The following NUP153 variants were observed in gnomAD, a reference collection of about 807,000 sequenced individuals.
The protein encoded by NUP153 is nucleoporin 153.
In NUP153, 27 loss-of-function variants were observed where a neutral mutation model predicts 134.6. The observed-to-expected ratio is 0.20, with a 90% CI of 0.15 to 0.28. The LOEUF (loss-of-function observed/expected upper bound fraction) is 0.28. Among genes scored for constraint, NUP153 ranks in the 10% least tolerant of loss-of-function variants. The pLI is 1.00. For missense variants in NUP153, 1,821 were observed against 1,731.3 expected (o/e 1.05, Z -0.92); for synonymous variants, 640 against 623.5 (o/e 1.03, Z -0.40).
Position 17,706,160 on chromosome 6 carries a change from G to C in NUP153, c.111+117C>G. On this transcript the variant is annotated intron_variant, in intron 1 of 21. Coordinates refer to ENST00000262077, the MANE Select transcript of NUP153 (RefSeq NM_005124.4). This position sits in a 1 kb window ranked among gnomAD's most constrained non-coding sequence, Gnocchi z 5.9. ...CTGAGCTCCCCCGGAGCCTCACTCG[G>C]GCCTTTCCTCAGGCCCTCCTGTCTG... 2.5e-6 allele frequency: 2 copies of C among 808,872 alleles called. No homozygotes were observed. The highest frequency in any genetic ancestry group is 4.1e-6 in the Non-Finnish European group (2 of 492,634). 50.1% of individuals were successfully genotyped at this position (808,872 alleles called of 1,614,324 possible).
In NUP153 at chr6:17,637,167, A is replaced by T. The variant is rs766623299; in HGVS notation, c.2450T>A (p.Met817Lys). The T allele has an allele frequency of 6.2e-7, 1 of 1,608,632 alleles. No individual in the cohort carries two copies. Among genetic ancestry groups the T allele is most frequent in the East Asian group, 2.2e-5 (1 of 44,756 alleles). ...NAEDNKCVSCMSEKPGSSVPA... is the reference protein window; with the variant it reads ...NAEDNKCVSCKSEKPGSSVPA... ...CAAAAACATACCTGGTTTCTCAGACATACAGGACACACACTTATTGTCTTC... is the reference window on the plus strand; with the variant it reads ...CAAAAACATACCTGGTTTCTCAGACTTACAGGACACACACTTATTGTCTTC... The change falls in exon 16 of 22, where the codon ATG becomes AAG. Residue 817 changes from methionine to lysine, a missense_variant. Coordinates refer to ENST00000262077, the MANE Select transcript of NUP153 (RefSeq NM_005124.4).
intron 11 of NUP153, among the ~76,000 whole-genome samples, chr6:17,654,147 G>C (rs1443297537): frequency 6.6e-6 from 1 of 152,072 alleles, no homozygotes; most frequent in Non-Finnish European, 1.5e-5. Flanking sequence ...AATCAACTGA[G>C]GGAGGAGGAA....
At chr6:17,621,911 T>G (rs951031402) in intron 20 of NUP153, among the ~76,000 whole-genome samples, 6 of 152,208 alleles carry the variant, frequency 3.9e-5, no homozygotes, top group Admixed American at 1.3e-4. Context: ...ACACATTGTA[T>G]GTATGTAACA....
chr6:17,677,724 T>C (rs1385948870), intron 2 of NUP153, among the ~76,000 whole-genome samples: 2 of 109,428 alleles, frequency 1.8e-5, no homozygotes, highest in Non-Finnish European at 3.4e-5. Flanking sequence ...TACATAATTT[T>C]TTTTTTCCTT....
At position 17,637,584 on chromosome 6, in the gene NUP153, C is replaced by A; in HGVS notation, c.2033G>T (p.Cys678Phe). ...LLQNKVTDNKCIACQAAKLSP... is the reference protein window; with the variant it reads ...LLQNKVTDNKFIACQAAKLSP... ...CAATTTTGCTGCTTGACAGGCTATG[C>A]ATTTGTTGTCTGTAACTTTGTTCTG... Residue 678 changes from cysteine to phenylalanine, a missense_variant, in exon 16 of 22, where the codon TGC becomes TTC. Cys to Phe is a radical substitution (Grantham distance 205). Coordinates refer to ENST00000262077, the MANE Select transcript of NUP153 (RefSeq NM_005124.4). 1 of 1,614,122 alleles carries A rather than the reference C, an allele frequency of 6.2e-7. No homozygotes were observed. The highest frequency in any genetic ancestry group is 8.5e-7 in the Non-Finnish European group (1 of 1,180,018).
chr6:17,688,429 T>C lies in NUP153; in HGVS notation c.301A>G (p.Ile101Val), dbSNP rs762685055. The C allele has an allele frequency of 1.2e-6, 2 of 1,614,084 alleles. No individual in the cohort carries two copies. Among genetic ancestry groups the C allele is most frequent in the South Asian group, 2.2e-5 (2 of 91,092 alleles). The change falls in exon 2 of 22, where the codon ATC (isoleucine) becomes GTC (valine). Residue 101 changes from isoleucine (I) to valine (V), a missense_variant. Transcript: ENST00000262077. ...TTACTGACTGCTGGCTCAGGTGTGA[T>C]TCTCCCATCAGTAATATTAGAGCTC... is the stretch of plus-strand genomic sequence containing the variant. ...EESSNITDGR[I>V]TPEPAVSNTE...
chr6:17,666,584 G>C (rs534453284), intron 8 of NUP153, among the ~76,000 whole-genome samples: 16 of 152,122 alleles, frequency 1.1e-4, no homozygotes, highest in Non-Finnish European at 2.1e-4. Flanking sequence ...CCCTCTCCAA[G>C]TTATTTCCCC....
chr6:17,702,971 C>T (rs1284080626), intron 1 of NUP153, among the ~76,000 whole-genome samples: 2 of 151,680 alleles, frequency 1.3e-5, no homozygotes, highest in African/African-American at 4.8e-5. Context: ...GAGGCTGTGG[C>T]GGGTGGATCA....
At chr6:17,659,731 A>G (rs1027328199) in intron 11 of NUP153, among the ~76,000 whole-genome samples, 1 of 152,168 alleles carries the variant, frequency 6.6e-6, no homozygotes, top group Non-Finnish European at 1.5e-5. Flanking sequence ...TTGGCCTCCC[A>G]AAGTGCTGGG....
chr6:17,617,865 G>GA (rs961434704), intron 20 of NUP153, among the ~76,000 whole-genome samples: 2 of 151,460 alleles, frequency 1.3e-5, no homozygotes, highest in African/African-American at 2.4e-5. Context: ...GAAAAAAAAA[G>GA]AAAAAAAAGA....
At chr6:17,702,325 G>C (rs929393187) in intron 1 of NUP153, among the ~76,000 whole-genome samples, 17 of 152,220 alleles carry the variant, frequency 1.1e-4, no homozygotes, top group African/African-American at 4.1e-4. Flanking sequence ...GGCTAACACG[G>C]TGAAACCCCG....
In NUP153 at chr6:17,629,092, G is replaced by C. The variant is rs1765096615; in HGVS notation, c.3107C>G (p.Ala1036Gly). The C allele has an allele frequency of 1.9e-6, 3 of 1,614,204 alleles. No homozygotes were observed. The East Asian group carries it at 6.7e-5, about 36-fold the overall frequency. Residue 1036 changes from alanine to glycine, a missense_variant, in exon 18 of 22, where the codon GCT (alanine) becomes GGT (glycine). Coordinates refer to ENST00000262077, the MANE Select transcript of NUP153 (RefSeq NM_005124.4). Reference sequence around the variant, plus strand: ...GTTCTCAGAGGTCACTATGGTGTTAGCAGGAGCAGGGGTGGAGTTAATAAC... The same window carrying C: ...GTTCTCAGAGGTCACTATGGTGTTACCAGGAGCAGGGGTGGAGTTAATAAC... ...TGVINSTPAP[A>G]NTIVTSENKS...
At chr6:17,702,025 T>C (rs1770144877) in intron 1 of NUP153, among the ~76,000 whole-genome samples, 1 of 148,544 alleles carries the variant, frequency 6.7e-6, no homozygotes. Flanking sequence ...CACCAGGAGG[T>C]GGCAGTAGGT....
chr6:17,632,845 CT>C lies in NUP153; in HGVS notation c.2465-2del. 37 of 999,298 alleles carry C rather than the reference CT, an allele frequency of 3.7e-5. No homozygotes were observed. The highest frequency in any genetic ancestry group is 2.8e-4 in the Middle Eastern group (1 of 3,536). The allele number at this position is 999,298 out of a possible 1,614,324, so 61.9% of individuals were successfully genotyped here. A position where few individuals can be genotyped will look rare whatever the true frequency, so the allele number is the denominator to read the frequency against. ...CTACTTGAAGCAGGTACTGAACTTC[CT>C]AAAAAAAAAAAAAAAAACGGGGAGT... On this transcript the variant is annotated splice_acceptor_variant, in intron 16 of 21. Coordinates refer to ENST00000262077, the MANE Select transcript of NUP153 (RefSeq NM_005124.4). LOFTEE classifies it high-confidence loss of function.
chr6:17,701,117 T>C (rs1330610384), intron 1 of NUP153, among the ~76,000 whole-genome samples: 18 of 150,810 alleles, frequency 1.2e-4, no homozygotes, highest in Non-Finnish European at 1.6e-4. Context: ...TCCAGCTACT[T>C]GGGAGGCTGA....
At chr6:17,640,785 T>A (rs925024529) in intron 14 of NUP153, among the ~76,000 whole-genome samples, 10 of 145,250 alleles carry the variant, frequency 6.9e-5, no homozygotes, top group African/African-American at 2.5e-4. Context: ...TCTAGCTCAT[T>A]TTTTTTTTTA....
intron 17 of NUP153, among the ~76,000 whole-genome samples, chr6:17,630,303 G>A (rs957678357): frequency 1.3e-5 from 2 of 152,132 alleles, no homozygotes; most frequent in Non-Finnish European, 2.9e-5. Flanking sequence ...ATTCACTCAA[G>A]CATTTAAAAA....
chr6:17,649,037 TTC>T lies in NUP153; in HGVS notation c.1533+124_1533+125del, dbSNP rs111630805. 2,654 of 863,414 alleles carry T rather than the reference TTC, an allele frequency of 3.1e-3. 57 individuals are homozygous for T. The African/African-American group carries it at 0.04, about 13-fold the overall frequency. The allele number at this position is 863,414 out of a possible 1,614,324, so 53.5% of individuals were successfully genotyped here. On this transcript the variant is annotated intron_variant, in intron 12 of 21. Coordinates refer to ENST00000262077, the MANE Select transcript of NUP153 (RefSeq NM_005124.4). ...TAAAAAAGCAAAACAGCATTTCCAT[TTC>T]TCTGTTTACTATGTTATTAATTTCC...
chr6:17,657,060 G>A (rs957791667), intron 11 of NUP153, among the ~76,000 whole-genome samples: 10 of 152,098 alleles, frequency 6.6e-5, no homozygotes, highest in Admixed American at 5.9e-4. Flanking sequence ...TTAATTCTTT[G>A]GAGCATGGCT....
Sources: gnomAD v4.1 joint callset for allele counts (sites outside exome capture counted in the v4.1 genomes callset) on GRCh38, gnomAD v4.1.1 for gene constraint, Gnocchi (gnomAD v3.1) non-coding constraint, MANE v1.5 for transcripts, NCBI Gene and HGNC (gene_info 2026-07-23, HGNC 2026-07-21) for gene names.